The following RBFOX1 variants were observed in gnomAD, a reference collection of about 807,000 sequenced individuals.
RBFOX1 encodes the protein RNA binding protein fox-1 homolog 1.
In RBFOX1, 8 loss-of-function variants were observed where a neutral mutation model predicts 57.7. That is an observed-to-expected ratio of 0.14 (90% CI 0.08 to 0.25). The LOEUF is 0.25. RBFOX1 is among the 10% of genes least tolerant of loss of function. The pLI, the probability that RBFOX1 is intolerant of heterozygous loss-of-function variation, is 1.00. For synonymous variants in RBFOX1, 326 were observed against 222.4 expected (o/e 1.47, Z -4.15); for missense variants, 611 against 548.5 (o/e 1.11, Z -1.14).
At chr16:7,501,757 A>C (rs1223426326) in intron 4 of RBFOX1, among the ~76,000 whole-genome samples, 1 of 152,206 alleles carries the variant, frequency 6.6e-6, no homozygotes, top group Non-Finnish European at 1.5e-5. Flanking sequence ...GTTAGACATC[A>C]GTTCTTCTGG....
intron 1 of RBFOX1, among the ~76,000 whole-genome samples, chr16:6,083,736 C>A (rs1236667674): frequency 6.6e-6 from 1 of 152,152 alleles, no homozygotes; most frequent in Admixed American, 6.5e-5. Flanking sequence ...CTTGGCCTCC[C>A]AAAGTGCTGA....
At chr16:7,197,654 G>C (rs59205047) in intron 4 of RBFOX1, among the ~76,000 whole-genome samples, 14,973 of 152,142 alleles carry the variant, frequency 0.098, 801 homozygotes, top group Non-Finnish European at 0.11. Flanking sequence ...ATCCACAATA[G>C]CTAAAAGGTG....
At chr16:6,560,435 A>T (rs1026917307) in intron 2 of RBFOX1, among the ~76,000 whole-genome samples, 1 of 152,162 alleles carries the variant, frequency 6.6e-6, no homozygotes, top group Non-Finnish European at 1.5e-5. Context: ...AGCCAGCTGC[A>T]TGGATTTGGA....
At chr16:7,113,470 A>T (rs1020160564) in intron 4 of RBFOX1, among the ~76,000 whole-genome samples, 1 of 151,858 alleles carries the variant, frequency 6.6e-6, no homozygotes, top group East Asian at 1.9e-4. Context: ...TTCCCTTTCG[A>T]TCTTGTTATG....
At chr16:6,631,844 G>A (rs943914461) in intron 2 of RBFOX1, among the ~76,000 whole-genome samples, 1 of 151,862 alleles carries the variant, frequency 6.6e-6, no homozygotes, top group Non-Finnish European at 1.5e-5. Flanking sequence ...AACACCCCAA[G>A]GTGGCCACAA....
At chr16:7,427,860 C>G (rs1307521558) in intron 4 of RBFOX1, among the ~76,000 whole-genome samples, 1 of 151,854 alleles carries the variant, frequency 6.6e-6, no homozygotes, top group African/African-American at 2.4e-5. Context: ...GAACATGTTT[C>G]CCAGCTTGGT....
chr16:7,425,811 C>T (rs762386168), intron 4 of RBFOX1, among the ~76,000 whole-genome samples: 9 of 152,080 alleles, frequency 5.9e-5, no homozygotes, highest in Non-Finnish European at 1.0e-4. Context: ...TTTTCCCTGA[C>T]GTGTAACAGT....
intron 2 of RBFOX1, among the ~76,000 whole-genome samples, chr16:5,572,123 G>T (rs897878921): frequency 6.6e-6 from 1 of 152,094 alleles, no homozygotes; most frequent in Non-Finnish European, 1.5e-5. Context: ...TACATGATTT[G>T]TTAGGAATGG....
intron 2 of RBFOX1, among the ~76,000 whole-genome samples, chr16:6,490,730 A>G (rs1217742830): frequency 6.6e-6 from 1 of 152,100 alleles, no homozygotes; most frequent in Non-Finnish European, 1.5e-5. Flanking sequence ...CTGTTGAGCT[A>G]CCTCCTCCCA....
intron 2 of RBFOX1, among the ~76,000 whole-genome samples, chr16:6,489,720 C>G (rs2095587996): frequency 1.3e-5 from 2 of 152,258 alleles, no homozygotes; most frequent in South Asian, 4.1e-4. Flanking sequence ...AGTGATAATG[C>G]TCACAGCTTT....
chr16:6,702,379 C>T (rs977203138), intron 3 of RBFOX1, among the ~76,000 whole-genome samples: 10 of 152,132 alleles, frequency 6.6e-5, no homozygotes, highest in African/African-American at 2.4e-5. Flanking sequence ...CATGGTGAAA[C>T]TCCATCTCTA....
chr16:5,935,448 T>G (rs1270679735), intron 4 of RBFOX1, among the ~76,000 whole-genome samples: 1 of 152,074 alleles, frequency 6.6e-6, no homozygotes, highest in African/African-American at 2.4e-5. Flanking sequence ...ATGGCTGGTT[T>G]GAATAATGGC....
intron 1 of RBFOX1, among the ~76,000 whole-genome samples, chr16:5,319,810 A>C (rs535590565): frequency 9.2e-5 from 14 of 152,338 alleles, no homozygotes; most frequent in Non-Finnish European, 7.3e-5. Context: ...ACAGTCATTC[A>C]GGGATCCAGG....
At chr16:7,313,402 G>A (rs906745238) in intron 4 of RBFOX1, among the ~76,000 whole-genome samples, 1 of 151,458 alleles carries the variant, frequency 6.6e-6, no homozygotes, top group African/African-American at 2.4e-5. Context: ...TTTAGAGTAC[G>A]TGACTCAGGA....
chr16:7,430,137 A>G (rs998609372), intron 4 of RBFOX1, among the ~76,000 whole-genome samples: 9 of 152,224 alleles, frequency 5.9e-5, no homozygotes, highest in Admixed American at 4.6e-4. Flanking sequence ...CTATAATCCA[A>G]CCAAATGAGC....
intron 3 of RBFOX1, among the ~76,000 whole-genome samples, chr16:6,885,550 G>T (rs1201849282): frequency 7.0e-6 from 1 of 142,432 alleles, no homozygotes; most frequent in Non-Finnish European, 1.6e-5. Flanking sequence ...TATTTTTTTT[G>T]AAATGGAGTC....
chr16:5,243,576 C>A (rs151260255), intron 1 of RBFOX1, among the ~76,000 whole-genome samples: 1 of 152,170 alleles, frequency 6.6e-6, no homozygotes, highest in Non-Finnish European at 1.5e-5. Flanking sequence ...GCCATTCCCC[C>A]CTCCCAGCTA....
intron 3 of RBFOX1, among the ~76,000 whole-genome samples, chr16:6,801,197 T>C (rs1716269979): frequency 4.6e-5 from 5 of 109,666 alleles, no homozygotes; most frequent in Admixed American, 3.8e-4. Context: ...AGATTGAACA[T>C]GCAAAAAAAA....
At chr16:5,655,836 C>G (rs1208375139) in intron 3 of RBFOX1, among the ~76,000 whole-genome samples, 2 of 152,162 alleles carry the variant, frequency 1.3e-5, no homozygotes, top group South Asian at 2.1e-4. Flanking sequence ...CCATTTGACT[C>G]TCTGTTTGTC....
Sources: allele counts gnomAD v4.1 joint callset (sites outside exome capture counted in the v4.1 genomes callset), GRCh38; gene constraint gnomAD v4.1.1; transcripts MANE v1.5; gene names NCBI Gene and HGNC (gene_info 2026-07-23, HGNC 2026-07-21).